SUCO: variants seen among roughly 807,000 people sequenced by gnomAD.
SUCO encodes SUN domain-containing ossification factor.
SUCO carries 57 observed loss-of-function variants against 148.1 expected under a neutral mutation model. The observed-to-expected ratio is 0.38, with a 90% CI of 0.31 to 0.48. The LOEUF (loss-of-function observed/expected upper bound fraction) is 0.48, where lower values mean the gene tolerates loss of function less well. Ranked by LOEUF, SUCO falls within the 20% of genes least tolerant of loss-of-function variation. SUCO has a pLI of 0.96. For synonymous variants in SUCO, 470 were observed against 502.7 expected, an observed-to-expected ratio of 0.93 and a Z score of 0.87; for missense variants, 1,331 against 1,468.2, an observed-to-expected ratio of 0.91 and a Z score of 1.53.
chr1:172,599,703 G>T (rs1175140917), intron 19 of SUCO, among the ~76,000 whole-genome samples: 1 of 152,104 alleles, frequency 6.6e-6, no homozygotes, highest in African/African-American at 2.4e-5. Flanking sequence ...CAACTGCTTT[G>T]CTTTAAAAAC....
chr1:172,577,565 C>T lies in SUCO; in HGVS notation c.1284+6C>T, dbSNP rs1227726032. Reference sequence around the variant, plus strand: ...TGTTCATCAAGTACATAAAGGTTAGCAACCTTCTCTTTTGCACTATTAAAT... The same window carrying T: ...TGTTCATCAAGTACATAAAGGTTAGTAACCTTCTCTTTTGCACTATTAAAT... On this transcript the variant is annotated splice_donor_region_variant and intron_variant, in intron 12 of 23. Transcript: ENST00000263688. 1 of 1,610,604 alleles carries T rather than the reference C, an allele frequency of 6.2e-7. No homozygotes were observed.
intron 1 of SUCO, among the ~76,000 whole-genome samples, chr1:172,548,421 A>G (rs1047211585): frequency 2.0e-5 from 3 of 151,906 alleles, no homozygotes; most frequent in South Asian, 4.1e-4. Flanking sequence ...TATTTTAGCA[A>G]TGCCTATCCA....
At chr1:172,588,662 C>T (rs1656401571) in intron 17 of SUCO, 98 bp from the exon 18 acceptor site, 2 of 1,253,262 alleles carry the variant, frequency 1.6e-6, no homozygotes, top group Admixed American at 3.8e-5. Flanking sequence ...TATTTCCAAC[C>T]TTTTATCTTC....
intron 6 of SUCO, among the ~76,000 whole-genome samples, chr1:172,564,452 T>C (rs960198005): frequency 4.6e-5 from 7 of 152,172 alleles, no homozygotes; most frequent in African/African-American, 1.4e-4. Flanking sequence ...TGTTTAAAAG[T>C]GTGTTGCACT....
chr1:172,533,217 C>T lies in SUCO; in HGVS notation c.-219C>T. ...CCGGTGGCTGCAGCGGCGGCGGTCCCCGGAGTCCTGTGAAGCGCCCCTGTC... is the reference window on the plus strand; with the variant it reads ...CCGGTGGCTGCAGCGGCGGCGGTCCTCGGAGTCCTGTGAAGCGCCCCTGTC... On this transcript the variant is annotated 5_prime_UTR_variant, in exon 1 of 24. Coordinates refer to ENST00000263688, the MANE Select transcript of SUCO (RefSeq NM_014283.5). 5 of 1,532,930 alleles carry T rather than the reference C, an allele frequency of 3.3e-6. No individual in the cohort carries two copies. Among genetic ancestry groups the T allele is most frequent in the Non-Finnish European group, 4.4e-6 (5 of 1,139,208 alleles). 95.0% of individuals were successfully genotyped at this position (1,532,930 alleles called of 1,614,324 possible). A position where few individuals can be genotyped will look rare whatever the true frequency, so the allele number is the denominator to read the frequency against.
In SUCO at chr1:172,578,293, G is replaced by C. The variant is rs1338163543; in HGVS notation, c.1341-5G>C. The C allele has an allele frequency of 2.5e-6, 4 of 1,598,106 alleles. No individual in the cohort carries two copies. The highest frequency in any genetic ancestry group is 1.7e-5 in the Admixed American group (1 of 59,938). On this transcript the variant is annotated splice_polypyrimidine_tract_variant and splice_region_variant and intron_variant, in intron 13 of 23. Coordinates refer to ENST00000263688, the MANE Select transcript of SUCO (RefSeq NM_014283.5). ...GGAAGTCTTTAATGAAATTGTTGTTGATAGGGTATTTGGCACTAGCATGGT... is the reference window on the plus strand; with the variant it reads ...GGAAGTCTTTAATGAAATTGTTGTTCATAGGGTATTTGGCACTAGCATGGT...
chr1:172,569,353 G>A (rs186661699), intron 7 of SUCO: 2 of 961,024 alleles, frequency 2.1e-6, no homozygotes, highest in Admixed American at 6.2e-5. Context: ...ATCCATTCTT[G>A]TAAATTATTA....
At chr1:172,533,531 A>G in intron 1 of SUCO, 34 bp downstream of exon 1, 1 of 1,511,118 alleles carries the variant, frequency 6.6e-7, no homozygotes, top group South Asian at 1.3e-5. Flanking sequence ...AGTTCCCGTG[A>G]GGGGAGTAAA....
Position 172,572,077 on chromosome 1 carries a change from T to TC in SUCO, c.1049+1347_1049+1348insC, listed in dbSNP as rs1553274166. ...CCAGCCGCCCCGTCCGGGAGGGAGG[T>TC]GGGGGGTCAGCCCCCGCCTGGCAAG... On this transcript the variant is annotated intron_variant, in intron 9 of 23. Transcript: ENST00000263688. Among the ~76,000 whole-genome samples the TC allele has an allele frequency of 1.8e-4, 9 of 49,820 alleles. 1 individual carries two copies. Among genetic ancestry groups the TC allele is most frequent in the African/African-American group, 3.3e-4 (4 of 12,276 alleles). The allele number at this position is 49,820 out of a possible 152,430, so 32.7% of individuals were successfully genotyped here. A position where few individuals can be genotyped will look rare whatever the true frequency, so the allele number is the denominator to read the frequency against.
chr1:172,606,600 T>G (rs1465348625), intron 22 of SUCO, among the ~76,000 whole-genome samples: 2 of 151,816 alleles, frequency 1.3e-5, no homozygotes, highest in Admixed American at 6.6e-5. Flanking sequence ...TAATGTTCAT[T>G]TAAATTTACC....
At position 172,589,071 on chromosome 1, in the gene SUCO, A is replaced by AT. The variant is rs1306477436; in HGVS notation, c.1972dup (p.Tyr658LeufsTer38). The AT allele has an allele frequency of 6.2e-7, 1 of 1,613,666 alleles. No individual in the cohort carries two copies. On this transcript the variant is annotated frameshift_variant, in exon 18 of 24. Coordinates refer to ENST00000263688, the MANE Select transcript of SUCO (RefSeq NM_014283.5). LOFTEE classifies it high-confidence loss of function. ...CGAACTGCTTTGAGTAAAGGAAAAG[A>AT]TTATCTTGTGTTAGCTCAACCACCC...
At chr1:172,566,464 T>C (rs929552333) in intron 6 of SUCO, among the ~76,000 whole-genome samples, 6 of 152,180 alleles carry the variant, frequency 3.9e-5, no homozygotes, top group Admixed American at 1.3e-4. Flanking sequence ...AGCCCCCAAA[T>C]TGGGGATTAG....
intron 19 of SUCO, among the ~76,000 whole-genome samples, chr1:172,599,699 C>T (rs1039219918): frequency 1.3e-5 from 2 of 152,160 alleles, no homozygotes; most frequent in African/African-American, 4.8e-5. Context: ...GCGCCAACTG[C>T]TTTGCTTTAA....
chr1:172,560,968 G>A (rs1231972001), intron 6 of SUCO, among the ~76,000 whole-genome samples: 1 of 152,204 alleles, frequency 6.6e-6, no homozygotes, highest in Non-Finnish European at 1.5e-5. Flanking sequence ...TTCTAATGGG[G>A]GTAGTTGAAC....
chr1:172,568,081 T>G (rs1289863982), intron 6 of SUCO, among the ~76,000 whole-genome samples: 1 of 152,212 alleles, frequency 6.6e-6, no homozygotes, highest in Non-Finnish European at 1.5e-5. Context: ...GGTTGTGCAC[T>G]CCTTATGAGA....
chr1:172,537,024 G>T (rs1652073348), intron 1 of SUCO, among the ~76,000 whole-genome samples: 1 of 152,058 alleles, frequency 6.6e-6, no homozygotes, highest in African/African-American at 2.4e-5. Flanking sequence ...TAGGGATTAG[G>T]ATGCAGACAT....
chr1:172,579,981 G>C (rs186991703), intron 15 of SUCO, among the ~76,000 whole-genome samples: 1 of 152,082 alleles, frequency 6.6e-6, no homozygotes, highest in Non-Finnish European at 1.5e-5. Context: ...GACTAGTTGC[G>C]TGTGCTTGTC....
Position 172,580,116 on chromosome 1 carries a change from T to A in SUCO, c.1498+849T>A, listed in dbSNP as rs186897127. Among the ~76,000 whole-genome samples, 21 of 152,254 alleles carry A rather than the reference T, an allele frequency of 1.4e-4. 1 individual carries two copies. Among genetic ancestry groups the A allele is most frequent in the Non-Finnish European group, 2.5e-4 (17 of 67,982 alleles). On this transcript the variant is annotated intron_variant, in intron 15 of 23. Transcript: ENST00000263688. ...GTTGATATTTTGTGTAGCCACAGTA[T>A]ATAGAGTTAAAATTACCTCTTTCAT...
At chr1:172,561,240 C>A (rs1436566919) in intron 6 of SUCO, among the ~76,000 whole-genome samples, 3 of 152,322 alleles carry the variant, frequency 2.0e-5, no homozygotes, top group Middle Eastern at 3.4e-3. Context: ...TATACATACC[C>A]AACTTCCCAG....
Sources: gnomAD v4.1 joint callset for allele counts (sites outside exome capture counted in the v4.1 genomes callset) on GRCh38, gnomAD v4.1.1 for gene constraint, MANE v1.5 for transcripts, NCBI Gene and HGNC (gene_info 2026-07-23, HGNC 2026-07-21) for gene names.